Variants in NDE1 observed in about 807,000 individuals in gnomAD.
The protein encoded by NDE1 is nudE neurodevelopment protein 1, also known as nuclear distribution protein nudE homolog 1.
Under a neutral mutation model 43.4 loss-of-function variants are expected in NDE1, and 28 were observed. The observed-to-expected ratio is 0.65, with a 90% confidence interval of 0.48 to 0.89. The LOEUF (loss-of-function observed/expected upper bound fraction) is 0.89. Ranked by LOEUF, NDE1 falls within the 40% of genes least tolerant of loss-of-function variation. The pLI is 0.00. For missense variants in NDE1, 441 were observed against 434.1 expected (o/e 1.02, Z -0.14); for synonymous variants, 184 against 172.0 (o/e 1.07, Z -0.55).
In NDE1 at chr16:15,719,232, C is replaced by T. The variant is rs1156999108; in HGVS notation, c.948-4959C>T. On this transcript the variant is annotated intron_variant, in intron 8 of 8. Coordinates refer to ENST00000396354, the MANE Select transcript of NDE1 (RefSeq NM_017668.3). ...TTCAGTTTCCTACCTTCCCGACAGG[C>T]TACTGGCCAGCTCCTCTGCCAGTTC... The T allele has an allele frequency of 5.6e-6, 9 of 1,613,638 alleles. No homozygotes were observed. The highest frequency in any genetic ancestry group is 1.3e-5 in the African/African-American group (1 of 74,932).
intron 3 of NDE1, among the ~76,000 whole-genome samples, chr16:15,670,603 G>A (rs2037540507): frequency 6.6e-6 from 1 of 151,406 alleles, no homozygotes; most frequent in Non-Finnish European, 1.5e-5. Flanking sequence ...GTTGCAGTGA[G>A]CCGAGATTGC....
intron 3 of NDE1, among the ~76,000 whole-genome samples, chr16:15,677,200 C>G (rs993463000): frequency 6.6e-6 from 1 of 152,072 alleles, no homozygotes; most frequent in African/African-American, 2.4e-5. Context: ...GTTGACTGAG[C>G]CTGGCTTGTC....
intron 8 of NDE1, among the ~76,000 whole-genome samples, chr16:15,720,607 C>G (rs1596717394): frequency 6.6e-6 from 1 of 151,478 alleles, no homozygotes; most frequent in African/African-American, 2.4e-5. Flanking sequence ...AAAAAATTAG[C>G]TAGGTATGGT....
chr16:15,690,339 T>TTTTTTTTTTTTTA, intron 5 of NDE1, among the ~76,000 whole-genome samples: 1 of 103,402 alleles, frequency 9.7e-6, no homozygotes, highest in African/African-American at 7.6e-5. Flanking sequence ...CAACTGGCCT[T>TTTTTTTTTTTTTA]TTTTTTTTTT....
intron 8 of NDE1, among the ~76,000 whole-genome samples, chr16:15,698,757 T>C (rs1042778194): frequency 6.6e-5 from 10 of 151,530 alleles, no homozygotes; most frequent in African/African-American, 2.4e-4. Context: ...GCTGCTTGGG[T>C]GGCTGAGGCA....
chr16:15,676,544 A>T (rs868418083), intron 3 of NDE1, among the ~76,000 whole-genome samples: 11 of 152,062 alleles, frequency 7.2e-5, no homozygotes, highest in African/African-American at 2.7e-4. Flanking sequence ...CTAGAGATCA[A>T]ACTGTTCCTT....
chr16:15,695,489 T>A, intron 7 of NDE1: 1 of 918,328 alleles, frequency 1.1e-6, no homozygotes, highest in Non-Finnish European at 1.2e-6. Flanking sequence ...AAGTGAGACT[T>A]GGTCTCAAAA....
chr16:15,705,229 G>T (rs1239480749), intron 8 of NDE1, among the ~76,000 whole-genome samples: 1 of 152,176 alleles, frequency 6.6e-6, no homozygotes, highest in African/African-American at 2.4e-5. Flanking sequence ...CGATCCACCT[G>T]TCTTAGCCTC....
intron 2 of NDE1, among the ~76,000 whole-genome samples, chr16:15,665,129 G>A (rs527586410): frequency 2.6e-5 from 4 of 151,926 alleles, no homozygotes; most frequent in South Asian, 2.1e-4. Context: ...CTGGACTCAA[G>A]TGATGCACCT....
At chr16:15,718,514 C>G in intron 8 of NDE1, 1 of 1,522,774 alleles carries the variant, frequency 6.6e-7, no homozygotes, top group East Asian at 2.5e-5. Context: ...GGAGTCATGC[C>G]TCAGGGGTAT....
chr16:15,708,727 G>A (rs1366366315), intron 8 of NDE1: 1 of 1,454,114 alleles, frequency 6.9e-7, no homozygotes, highest in African/African-American at 1.4e-5. Flanking sequence ...AAATTGGGGT[G>A]GGCAGAGGGG....
At chr16:15,691,069 A>G in intron 5 of NDE1, 75 bp from the exon 6 acceptor site, 1 of 1,596,648 alleles carries the variant, frequency 6.3e-7, no homozygotes, top group East Asian at 2.2e-5. Flanking sequence ...TGGCCTCCCA[A>G]AGTGCTGGCA....
At chr16:15,680,199 T>C (rs2038102122) in intron 4 of NDE1, among the ~76,000 whole-genome samples, 1 of 152,118 alleles carries the variant, frequency 6.6e-6, no homozygotes, top group Non-Finnish European at 1.5e-5. Context: ...ATCTCTTTGC[T>C]TTTTTTAGCC....
At chr16:15,717,865 C>T (rs942631468) in intron 8 of NDE1, 1 of 267,054 alleles carries the variant, frequency 3.7e-6, no homozygotes, top group East Asian at 9.4e-5. Flanking sequence ...CTTGCTTTCT[C>T]TGTCCTGGAG....
rs754931029 is a variant in NDE1, at chr16:15,720,844, T to G, written c.948-3347T>G. On this transcript the variant is annotated intron_variant, in intron 8 of 8. Coordinates refer to ENST00000396354, the MANE Select transcript of NDE1 (RefSeq NM_017668.3). The stretch of plus-strand genomic sequence containing the variant: ...GCCTCCCCGGCAGCACGCACCTGTC[T>G]CTGCAGTTGCCTCCTCTTCTCCTCA... 3.7e-5 allele frequency: 60 copies of G among 1,613,536 alleles called. No homozygotes were observed. Among genetic ancestry groups the G allele is most frequent in the Non-Finnish European group, 5.0e-5 (59 of 1,180,008 alleles).
chr16:15,682,875 G>A (rs2038254504), intron 4 of NDE1, among the ~76,000 whole-genome samples: 1 of 152,010 alleles, frequency 6.6e-6, no homozygotes, highest in South Asian at 2.1e-4. Flanking sequence ...CATTGCATGT[G>A]CCATTATGCC....
rs141833929 is a variant in NDE1, at chr16:15,688,920, ACTC to A, written c.523+1412_523+1414del. On this transcript the variant is annotated intron_variant, in intron 5 of 8. Transcript: ENST00000396354. ...ACCATGTTGGCCAGGCTGGTCTTGA[ACTC>A]CTGACCCCAGGCGATCTGCCTGCCT... Among the ~76,000 whole-genome samples the A allele has an allele frequency of 0.011, 1,621 of 151,124 alleles. 89 individuals are homozygous for A. The East Asian group carries it at 0.18, about 16-fold the overall frequency.
In NDE1 at chr16:15,714,805, C is replaced by T. The variant is rs142289567; in HGVS notation, c.948-9386C>T. On this transcript the variant is annotated intron_variant, in intron 8 of 8. Coordinates refer to ENST00000396354, the MANE Select transcript of NDE1 (RefSeq NM_017668.3). ...AGGAATAAACCACAGAAGGGAGTGG[C>T]GGCTGTGGGCACAAGGGGCATTTGC... is the stretch of plus-strand genomic sequence containing the variant. 1,234 of 1,380,712 alleles carry T rather than the reference C, an allele frequency of 8.9e-4. 6 individuals are homozygous for T. The highest frequency in any genetic ancestry group is 9.4e-4 in the South Asian group (81 of 85,854). 85.5% of individuals were successfully genotyped at this position (1,380,712 alleles called of 1,614,324 possible).
intron 1 of NDE1, among the ~76,000 whole-genome samples, chr16:15,657,912 C>T (rs2036851280): frequency 6.6e-6 from 1 of 152,132 alleles, no homozygotes; most frequent in Non-Finnish European, 1.5e-5. Flanking sequence ...CCACTCTACC[C>T]TTTTGACTTT....
Sources: allele counts gnomAD v4.1 joint callset (sites outside exome capture counted in the v4.1 genomes callset), GRCh38; gene constraint gnomAD v4.1.1; transcripts MANE v1.5; gene names NCBI Gene and HGNC (gene_info 2026-07-23, HGNC 2026-07-21).